Variants in SLC4A7 observed in about 807,000 individuals in gnomAD.
SLC4A7 encodes solute carrier family 4 member 7, also known as sodium bicarbonate cotransporter 3.
SLC4A7 carries 51 observed loss-of-function variants against 137.6 expected under a neutral mutation model. The ratio of observed to expected loss-of-function variants is 0.37; its 90% CI spans 0.30 to 0.47. The LOEUF (loss-of-function observed/expected upper bound fraction) is 0.47, where lower values mean the gene tolerates loss of function less well. SLC4A7 is among the 20% of genes least tolerant of loss of function. The pLI is 1.00. For synonymous variants in SLC4A7, 542 were observed against 518.6 expected, an observed-to-expected ratio of 1.05 and a Z score of -0.61; for missense variants, 1,247 against 1,525.4, an observed-to-expected ratio of 0.82 and a Z score of 3.04.
rs1036933054 is a variant in SLC4A7 at position 27,404,746 on chromosome 3, T to C, written c.2075+84A>G. On this transcript the variant is annotated intron_variant, in intron 14 of 25. Coordinates refer to ENST00000454389, the MANE Select transcript of SLC4A7 (RefSeq NM_001321103.2). ...AATGCATATATTGACCAAATTACTTTTAAGCAATTAAATAATTCCCTTCTA... is the reference window on the plus strand; with the variant it reads ...AATGCATATATTGACCAAATTACTTCTAAGCAATTAAATAATTCCCTTCTA... The C allele has an allele frequency of 2.3e-5, 27 of 1,176,176 alleles. No individual in the cohort carries two copies. In the African/African-American group the frequency reaches 4.1e-4, roughly 18 times the overall value. 72.9% of individuals were successfully genotyped at this position (1,176,176 alleles called of 1,614,324 possible). A position where few individuals can be genotyped will look rare whatever the true frequency, so the allele number is the denominator to read the frequency against.
intron 1 of SLC4A7, among the ~76,000 whole-genome samples, chr3:27,467,581 C>T (rs905668262): frequency 1.3e-5 from 2 of 152,110 alleles, no homozygotes; most frequent in African/African-American, 2.4e-5. Context: ...GAAGAAATCC[C>T]GTAAAACAAA....
chr3:27,427,475 A>ATTTTATACATATAAC (rs2055764271), intron 7 of SLC4A7, among the ~76,000 whole-genome samples: 1 of 152,050 alleles, frequency 6.6e-6, no homozygotes, highest in African/African-American at 2.4e-5. Flanking sequence ...ACAATTTATA[A>ATTTTATACATATAAC]TTTTATACAT....
intron 25 of SLC4A7, 35 bp from the exon 26 acceptor site, chr3:27,376,880 AAAATATAAAT>A: frequency 9.1e-7 from 1 of 1,095,922 alleles, no homozygotes; most frequent in Non-Finnish European, 1.3e-6. Context: ...AAATAATTTT[AAAATATAAAT>A]ATTCAATTCT....
intron 20 of SLC4A7, among the ~76,000 whole-genome samples, chr3:27,392,965 G>GA (rs1457365605): frequency 3.7e-4 from 57 of 152,062 alleles, no homozygotes; most frequent in Non-Finnish European, 5.1e-4. Flanking sequence ...ATAATGATAT[G>GA]AAAAAAGGAG....
intron 11 of SLC4A7, among the ~76,000 whole-genome samples, chr3:27,416,081 G>A (rs2054356297): frequency 6.6e-6 from 1 of 152,122 alleles, no homozygotes; most frequent in Non-Finnish European, 1.5e-5. Flanking sequence ...GACTTCCTAT[G>A]AGTCCCATGT....
At chr3:27,476,519 T>C (rs1259190849) in intron 1 of SLC4A7, among the ~76,000 whole-genome samples, 1 of 152,206 alleles carries the variant, frequency 6.6e-6, no homozygotes, top group African/African-American at 2.4e-5. Context: ...TCATCTGCTA[T>C]CGTTTGGCTC....
intron 10 of SLC4A7, 82 bp from the exon 11 acceptor site, chr3:27,418,714 A>G: frequency 2.5e-6 from 2 of 789,804 alleles, no homozygotes; most frequent in Non-Finnish European, 4.1e-6. Context: ...GGATATCATA[A>G]ATAGCTTCAC....
At chr3:27,423,043 A>G (rs868188709) in intron 8 of SLC4A7, among the ~76,000 whole-genome samples, 1 of 152,248 alleles carries the variant, frequency 6.6e-6, no homozygotes, top group South Asian at 2.1e-4. Context: ...TAACATGAGC[A>G]CCAGTAAAAT....
chr3:27,454,220 C>G (rs2058267905), intron 1 of SLC4A7, among the ~76,000 whole-genome samples: 1 of 152,188 alleles, frequency 6.6e-6, no homozygotes, highest in Non-Finnish European at 1.5e-5. Flanking sequence ...AATCCCAACA[C>G]TTTGGGAGGC....
intron 20 of SLC4A7, among the ~76,000 whole-genome samples, chr3:27,392,067 A>G (rs1216120795): frequency 1.3e-5 from 2 of 152,196 alleles, no homozygotes; most frequent in African/African-American, 4.8e-5. Context: ...TTTTAAGTCA[A>G]ACTTAACTTT....
chr3:27,390,810 T>C (rs753583491), intron 21 of SLC4A7, among the ~76,000 whole-genome samples: 2 of 152,114 alleles, frequency 1.3e-5, no homozygotes, highest in African/African-American at 4.8e-5. Flanking sequence ...TTATGATCGT[T>C]TTTTTTGTGT....
rs1438702050 is a variant in SLC4A7 at position 27,373,778 on chromosome 3, T to C, written c.*2986A>G. On this transcript the variant is annotated 3_prime_UTR_variant, in exon 26 of 26. Transcript: ENST00000454389. ...AAGTACGTGGAAGAAATAAACTTTTTTGGATGAAGAAAACAAGTTAATTTT... is the reference window on the plus strand; with the variant it reads ...AAGTACGTGGAAGAAATAAACTTTTCTGGATGAAGAAAACAAGTTAATTTT... 1 of 152,590 alleles carries C rather than the reference T, an allele frequency of 6.6e-6. No individual in the cohort carries two copies. The highest frequency in any genetic ancestry group is 1.5e-5 in the Non-Finnish European group (1 of 67,972). 9.5% of individuals were successfully genotyped at this position (152,590 alleles called of 1,614,324 possible). A position where few individuals can be genotyped will look rare whatever the true frequency, so the allele number is the denominator to read the frequency against.
chr3:27,376,922 T>A (rs988202276), intron 25 of SLC4A7, 77 bp from the exon 26 acceptor site: 9 of 621,172 alleles, frequency 1.4e-5, no homozygotes, highest in Non-Finnish European at 2.0e-5. Flanking sequence ...ACAATGAGTA[T>A]ACTAAACCTT....
intron 11 of SLC4A7, among the ~76,000 whole-genome samples, chr3:27,412,057 C>T (rs558471212): frequency 8.5e-5 from 13 of 152,176 alleles, no homozygotes; most frequent in Middle Eastern, 3.4e-3. Context: ...TAGCTACAAA[C>T]GTAAGTAACC....
intron 3 of SLC4A7, among the ~76,000 whole-genome samples, chr3:27,438,244 C>T (rs1408448294): frequency 1.9e-4 from 29 of 151,208 alleles, no homozygotes; most frequent in African/African-American, 6.3e-4. Context: ...CAGTGGCTCA[C>T]GCCTGTAATT....
chr3:27,422,601 C>T (rs2055102043), intron 8 of SLC4A7, among the ~76,000 whole-genome samples: 1 of 151,990 alleles, frequency 6.6e-6, no homozygotes, highest in African/African-American at 2.4e-5. Context: ...AATCTATAGC[C>T]CTTATTGGCA....
intron 18 of SLC4A7, among the ~76,000 whole-genome samples, 191 bp from the exon 19 acceptor site, chr3:27,395,306 T>C (rs36055621): frequency 0.21 from 32,161 of 152,092 alleles, 3,493 homozygotes; most frequent in Non-Finnish European, 0.25. Flanking sequence ...ATACCTCCTG[T>C]CATTTGACTC....
rs777523348 is a variant in SLC4A7 at position 27,375,199 on chromosome 3, C to A, written c.*1565G>T. 1 of 151,872 alleles carries A rather than the reference C, an allele frequency of 6.6e-6. No individual in the cohort carries two copies. The highest frequency in any genetic ancestry group is 1.5e-5 in the Non-Finnish European group (1 of 67,862). The allele number at this position is 151,872 out of a possible 1,614,324, so 9.4% of individuals were successfully genotyped here. A position where few individuals can be genotyped will look rare whatever the true frequency, so the allele number is the denominator to read the frequency against. On this transcript the variant is annotated 3_prime_UTR_variant, in exon 26 of 26. Transcript: ENST00000454389. Reference sequence around the variant, plus strand: ...TCAGCTTTTGGCATTCCTCATGATCCTTTATTAGATTAATTATGTATACCT... The same window carrying A: ...TCAGCTTTTGGCATTCCTCATGATCATTTATTAGATTAATTATGTATACCT...
At position 27,397,808 on chromosome 3, in the gene SLC4A7, G is replaced by T; in HGVS notation, c.2590-11C>A. On this transcript the variant is annotated splice_polypyrimidine_tract_variant and intron_variant, in intron 17 of 25. Coordinates refer to ENST00000454389, the MANE Select transcript of SLC4A7 (RefSeq NM_001321103.2). The stretch of plus-strand genomic sequence containing the variant: ...GATTGTCGATCGCACCTATGTTAAA[G>T]GGATTATGTTAATATAAACACAGAA... The T allele has an allele frequency of 7.1e-7, 1 of 1,415,902 alleles. No homozygotes were observed. Among genetic ancestry groups the T allele is most frequent in the South Asian group, 1.2e-5 (1 of 83,498 alleles). The allele number at this position is 1,415,902 out of a possible 1,614,324, so 87.7% of individuals were successfully genotyped here.
Sources: gnomAD v4.1 joint callset for allele counts (sites outside exome capture counted in the v4.1 genomes callset) on GRCh38, gnomAD v4.1.1 for gene constraint, MANE v1.5 for transcripts, NCBI Gene and HGNC (gene_info 2026-07-23, HGNC 2026-07-21) for gene names.